RABGEF1: variants seen among roughly 807,000 people sequenced by gnomAD.
RABGEF1 encodes RAB guanine nucleotide exchange factor 1.
RABGEF1 carries 26 observed loss-of-function variants against 57.3 expected under a neutral mutation model. The ratio of observed to expected loss-of-function variants is 0.45; its 90% CI spans 0.33 to 0.63. The LOEUF (loss-of-function observed/expected upper bound fraction) is 0.63. Among genes scored for constraint, RABGEF1 ranks in the 20% least tolerant of loss-of-function variants. The probability of loss-of-function intolerance (pLI) is 0.02; values close to 1 mark genes in which losing one functional copy is unlikely to be tolerated. For synonymous variants in RABGEF1, 185 were observed against 210.7 expected, an observed-to-expected ratio of 0.88 and a Z score of 1.06; for missense variants, 464 against 607.6, an observed-to-expected ratio of 0.76 and a Z score of 2.48.
At chr7:66,778,307 C>G (rs1259646161) in intron 3 of RABGEF1, among the ~76,000 whole-genome samples, 1 of 150,836 alleles carries the variant, frequency 6.6e-6, no homozygotes, top group Non-Finnish European at 1.5e-5. Context: ...AAATAACCTT[C>G]TAAGGAATTT....
chr7:66,655,771 C>T, the RABGEF1 span, among the ~76,000 whole-genome samples: 1 of 152,210 alleles, frequency 6.6e-6, no homozygotes. Context: ...TGATAAATAA[C>T]ATTTTGCTTT....
In RABGEF1 at chr7:66,806,895, C is replaced by T. The variant is rs1268425003; in HGVS notation, c.1077+1499C>T. The stretch of plus-strand genomic sequence containing the variant: ...CTGACCTCAAGCAATCCACCCACCT[C>T]AGTTTCCCACAGTGTTGGGATTACA... On this transcript the variant is annotated intron_variant, in intron 8 of 8. Coordinates refer to ENST00000284957, the MANE Select transcript of RABGEF1 (RefSeq NM_014504.3). Among the ~76,000 whole-genome samples, 3 of 152,146 alleles carry T rather than the reference C, an allele frequency of 2.0e-5. No individual in the cohort carries two copies. In the East Asian group the frequency reaches 5.8e-4, roughly 29 times the overall value.
intron 5 of RABGEF1, chr7:66,796,897 GTT>G: frequency 2.5e-6 from 1 of 401,104 alleles, no homozygotes; most frequent in Non-Finnish European, 5.0e-6. Flanking sequence ...CAGCTGGTAA[GTT>G]TTTTTTTTAA....
intron 4 of RABGEF1, among the ~76,000 whole-genome samples, chr7:66,795,242 T>G (rs1238327726): frequency 3.3e-5 from 5 of 152,190 alleles, no homozygotes; most frequent in Non-Finnish European, 7.3e-5. Context: ...TTACCCACCA[T>G]TCAAACCGCC....
intron 1 of RABGEF1, among the ~76,000 whole-genome samples, chr7:66,708,197 T>C (rs534534278): frequency 1.3e-5 from 2 of 152,254 alleles, no homozygotes; most frequent in South Asian, 4.1e-4. Flanking sequence ...TGTTGTTACT[T>C]TTACTATATA....
chr7:66,754,030 T>C (rs1457516837), intron 1 of RABGEF1, among the ~76,000 whole-genome samples: 2 of 127,330 alleles, frequency 1.6e-5, no homozygotes. Context: ...TGAGACAGAG[T>C]CTTGCTCTGT....
At chr7:66,692,239 G>C (rs955212269) in intron 1 of RABGEF1, among the ~76,000 whole-genome samples, 3 of 152,214 alleles carry the variant, frequency 2.0e-5, no homozygotes, top group African/African-American at 4.8e-5. Flanking sequence ...GGGCAGTGCT[G>C]TTTCGGAAGG....
chr7:66,661,520 T>C, the RABGEF1 span, among the ~76,000 whole-genome samples: 2 of 150,490 alleles, frequency 1.3e-5, no homozygotes, highest in African/African-American at 2.4e-5. Context: ...CCAGCACTTT[T>C]GGAGTGCACT....
intron 1 of RABGEF1, among the ~76,000 whole-genome samples, chr7:66,690,788 A>C (rs1221329562): frequency 1.3e-5 from 2 of 152,032 alleles, no homozygotes; most frequent in Non-Finnish European, 2.9e-5. Flanking sequence ...AATGTTATTA[A>C]AAGGATTGTA....
intron 1 of RABGEF1, among the ~76,000 whole-genome samples, chr7:66,684,442 CAAACAAAACA>C (rs540424952): frequency 7.2e-5 from 11 of 152,006 alleles, no homozygotes; most frequent in Admixed American, 1.3e-4. Context: ...GACTTCGTCT[CAAACAAAACA>C]AAACAAAACA....
chr7:66,762,538 A>T (rs768615266), intron 1 of RABGEF1, among the ~76,000 whole-genome samples: 1 of 152,000 alleles, frequency 6.6e-6, no homozygotes, highest in African/African-American at 2.4e-5. Context: ...GTTGTGAGCC[A>T]TGATCACACC....
chr7:66,689,898 G>T (rs899051550), intron 1 of RABGEF1, among the ~76,000 whole-genome samples: 10 of 151,906 alleles, frequency 6.6e-5, no homozygotes, highest in African/African-American at 2.2e-4. Context: ...CCCCTCACTG[G>T]GTGGCTTTAC....
upstream of RABGEF1, among the ~76,000 whole-genome samples, chr7:66,680,219 C>T (rs1584562200): frequency 6.6e-6 from 1 of 152,038 alleles, no homozygotes; most frequent in Admixed American, 6.6e-5. Context: ...TCCTCCACCT[C>T]CTCAGCACAG....
intron 1 of RABGEF1, among the ~76,000 whole-genome samples, chr7:66,746,885 T>TG (rs1800383877): frequency 6.6e-6 from 1 of 152,028 alleles, no homozygotes; most frequent in African/African-American, 2.4e-5. Flanking sequence ...CTCTGCCTCC[T>TG]GGGTTCAAGT....
intron 1 of RABGEF1, among the ~76,000 whole-genome samples, chr7:66,691,017 G>T (rs2117122918): frequency 6.6e-6 from 1 of 152,236 alleles, no homozygotes; most frequent in South Asian, 2.1e-4. Context: ...CCGGAACCGG[G>T]GAGGCAGGGG....
chr7:66,760,442 ATTTTTT>A (rs1024130038), intron 1 of RABGEF1, among the ~76,000 whole-genome samples: 1 of 126,156 alleles, frequency 7.9e-6, no homozygotes, highest in Non-Finnish European at 1.7e-5. Context: ...GTTAGCATGT[ATTTTTT>A]TTTTTTTTTT....
intron 1 of RABGEF1, 114 bp from the exon 2 acceptor site, chr7:66,771,769 C>A (rs1807209219): frequency 1.6e-6 from 1 of 644,066 alleles, no homozygotes; most frequent in Non-Finnish European, 2.3e-6. Flanking sequence ...TTCCCTCCAT[C>A]CCTCTCTTAA....
intron 1 of RABGEF1, among the ~76,000 whole-genome samples, chr7:66,701,261 G>C (rs1037286717): frequency 6.6e-6 from 1 of 152,200 alleles, no homozygotes; most frequent in East Asian, 1.9e-4. Context: ...CGCTTTCAGA[G>C]GCTGAGGCAA....
intron 1 of RABGEF1, among the ~76,000 whole-genome samples, chr7:66,709,212 T>C (rs1794498771): frequency 6.6e-6 from 1 of 152,116 alleles, no homozygotes; most frequent in Admixed American, 6.6e-5. Flanking sequence ...TTTCACCATG[T>C]TGTTCAGGCT....
Sources: gnomAD v4.1 joint callset for allele counts (sites outside exome capture counted in the v4.1 genomes callset) on GRCh38, gnomAD v4.1.1 for gene constraint, MANE v1.5 for transcripts, NCBI Gene and HGNC (gene_info 2026-07-23, HGNC 2026-07-21) for gene names.